The following MAD1L1 variants were observed in gnomAD, a reference collection of about 807,000 sequenced individuals.
The protein encoded by MAD1L1 is mitotic arrest deficient 1 like 1, also known as mitotic spindle assembly checkpoint protein MAD1.
MAD1L1 carries 95 observed loss-of-function variants against 96.9 expected under a neutral mutation model. The observed-to-expected ratio is 0.98, with a 90% CI of 0.83 to 1.16. The LOEUF (loss-of-function observed/expected upper bound fraction) is 1.16. Ranked by LOEUF, MAD1L1 falls within the 50% of genes most tolerant of loss-of-function variation. The probability of loss-of-function intolerance (pLI) is 0.00; values close to 1 mark genes in which losing one functional copy is unlikely to be tolerated. For synonymous variants in MAD1L1, 473 were observed against 396.6 expected, an observed-to-expected ratio of 1.19 and a Z score of -2.29; for missense variants, 1,007 against 954.4, an observed-to-expected ratio of 1.06 and a Z score of -0.73.
At chr7:1,958,451 G>A (rs927764525) in intron 15 of MAD1L1, among the ~76,000 whole-genome samples, 1 of 152,138 alleles carries the variant, frequency 6.6e-6, no homozygotes, top group Admixed American at 6.5e-5. Flanking sequence ...AAGATTACTC[G>A]ACACCGCACA....
At chr7:2,229,863 G>A (rs1794103721) in intron 3 of MAD1L1, 121 bp downstream of exon 3, 10 of 1,093,780 alleles carry the variant, frequency 9.1e-6, no homozygotes, top group East Asian at 4.9e-5. Context: ...CCTGGGAGAC[G>A]AATAGCTGTC....
At chr7:2,138,580 A>G (rs975585552) in intron 11 of MAD1L1, among the ~76,000 whole-genome samples, 2 of 152,200 alleles carry the variant, frequency 1.3e-5, no homozygotes, top group Non-Finnish European at 2.9e-5. Flanking sequence ...AGTCAGCCGG[A>G]GGGGAAGCAG....
chr7:1,979,275 G>A (rs1430693401), intron 15 of MAD1L1, among the ~76,000 whole-genome samples: 1 of 152,160 alleles, frequency 6.6e-6, no homozygotes, highest in Non-Finnish European at 1.5e-5. Context: ...ATGTCCCCTG[G>A]AGCTGTCTCA....
At chr7:1,863,281 G>T (rs147228851) in intron 18 of MAD1L1, among the ~76,000 whole-genome samples, 3,005 of 152,386 alleles carry the variant, frequency 0.02, 41 homozygotes, top group Admixed American at 0.037. Context: ...GGGCAGGGAG[G>T]AAGGCCTGGG....
rs1789334306 is a variant in MAD1L1, at chr7:2,146,874, G to A, written c.1073+2278C>T. Among the ~76,000 whole-genome samples the A allele has an allele frequency of 6.6e-6, 1 of 152,206 alleles. No individual in the cohort carries two copies. Among genetic ancestry groups the A allele is most frequent in the African/African-American group, 2.4e-5 (1 of 41,452 alleles). On this transcript the variant is annotated intron_variant, in intron 11 of 18. Transcript: ENST00000265854. This position sits in a 1 kb window ranked among gnomAD's most constrained non-coding sequence, Gnocchi z 6.2. Reference sequence around the variant, plus strand: ...CACGGCAGGCCGCGACGAACACGGTGTCCCGCCACGGAAGAGAGCAGCAGC... The same window carrying A: ...CACGGCAGGCCGCGACGAACACGGTATCCCGCCACGGAAGAGAGCAGCAGC...
intron 16 of MAD1L1, among the ~76,000 whole-genome samples, chr7:1,948,645 C>T (rs1779343597): frequency 6.6e-6 from 1 of 152,236 alleles, no homozygotes; most frequent in South Asian, 2.1e-4. Flanking sequence ...CCTCCCATGA[C>T]ACCCCTGATA....
intron 18 of MAD1L1, among the ~76,000 whole-genome samples, chr7:1,852,115 A>G (rs1277234855): frequency 6.6e-6 from 1 of 152,214 alleles, no homozygotes; most frequent in African/African-American, 2.4e-5. Context: ...GGCAGGACCC[A>G]GACTTGGGGC....
intron 17 of MAD1L1, among the ~76,000 whole-genome samples, chr7:1,901,925 C>T (rs1376355303): frequency 6.6e-6 from 1 of 152,208 alleles, no homozygotes; most frequent in East Asian, 1.9e-4. Flanking sequence ...TTGGGCAGAA[C>T]CGGCCCTCTT....
chr7:1,968,468 C>A lies in MAD1L1; in HGVS notation c.1506-10749G>T, dbSNP rs573888263. Among the ~76,000 whole-genome samples, 49 of 151,406 alleles carry A rather than the reference C, an allele frequency of 3.2e-4. No homozygotes were observed. The South Asian group carries it at 4.6e-3, about 14-fold the overall frequency. On this transcript the variant is annotated intron_variant, in intron 15 of 18. Transcript: ENST00000265854. This position sits in a 1 kb window ranked among gnomAD's most constrained non-coding sequence, Gnocchi z 5.6. Reference sequence around the variant, plus strand: ...CCAGCAGTCATGTCCACCATCAATGCCTCAGTCCAGCGGTCAGGTCCACTG... The same window carrying A: ...CCAGCAGTCATGTCCACCATCAATGACTCAGTCCAGCGGTCAGGTCCACTG...
intron 11 of MAD1L1, among the ~76,000 whole-genome samples, chr7:2,138,189 T>C (rs1396951559): frequency 6.6e-6 from 1 of 151,524 alleles, no homozygotes; most frequent in Non-Finnish European, 1.5e-5. Flanking sequence ...AAATGCCAGC[T>C]TTTTTTTAAC....
chr7:1,944,017 T>C (rs934093707), intron 16 of MAD1L1, among the ~76,000 whole-genome samples: 1 of 152,062 alleles, frequency 6.6e-6, no homozygotes, highest in Non-Finnish European at 1.5e-5. Context: ...TGGGTGAACC[T>C]TGAACAAGGG....
chr7:1,874,476 C>T (rs757015455), intron 18 of MAD1L1: 5 of 452,520 alleles, frequency 1.1e-5, no homozygotes, highest in South Asian at 7.8e-5. Context: ...GGAGAGGAGG[C>T]GGAGGGCTGA....
intron 17 of MAD1L1, among the ~76,000 whole-genome samples, chr7:1,902,571 G>T (rs1787311456): frequency 6.6e-6 from 1 of 152,250 alleles, no homozygotes; most frequent in South Asian, 2.1e-4. Context: ...CGGATCTTAG[G>T]AGTGCAGCCC....
intron 11 of MAD1L1, among the ~76,000 whole-genome samples, chr7:2,113,224 T>C (rs1009570659): frequency 6.6e-6 from 1 of 152,304 alleles, no homozygotes; most frequent in African/African-American, 2.4e-5. Context: ...CCTGGGGCCA[T>C]GGTGACAAGC....
chr7:1,994,212 C>T (rs1326733795), intron 14 of MAD1L1, among the ~76,000 whole-genome samples: 1 of 152,176 alleles, frequency 6.6e-6, no homozygotes, highest in Non-Finnish European at 1.5e-5. Context: ...TGGCTTTGCA[C>T]GTGCCACCGC....
intron 11 of MAD1L1, among the ~76,000 whole-genome samples, chr7:2,143,451 C>T (rs1789142568): frequency 6.6e-6 from 1 of 151,620 alleles, no homozygotes; most frequent in Non-Finnish European, 1.5e-5. Context: ...AGGAAAGACT[C>T]ATAACTAGTA....
intron 11 of MAD1L1, among the ~76,000 whole-genome samples, chr7:2,145,680 C>A (rs1013524781): frequency 6.6e-6 from 1 of 152,166 alleles, no homozygotes; most frequent in Non-Finnish European, 1.5e-5. Context: ...CTGTTTCCTG[C>A]ACCAGGTTGC....
At chr7:2,226,317 GC>G (rs1793893042) in intron 3 of MAD1L1, among the ~76,000 whole-genome samples, 1 of 152,198 alleles carries the variant, frequency 6.6e-6, no homozygotes, top group Non-Finnish European at 1.5e-5. Flanking sequence ...TGCACAAGGA[GC>G]CTGGAATCTG....
chr7:1,873,232 C>T (rs934325204), intron 18 of MAD1L1, among the ~76,000 whole-genome samples: 7 of 152,228 alleles, frequency 4.6e-5, no homozygotes, highest in Middle Eastern at 3.2e-3. Flanking sequence ...GGCTCACAGG[C>T]CCCATCCCCG....
Sources: allele counts gnomAD v4.1 joint callset (sites outside exome capture counted in the v4.1 genomes callset), GRCh38; gene constraint gnomAD v4.1.1; non-coding constraint Gnocchi (gnomAD v3.1); transcripts MANE v1.5; gene names NCBI Gene and HGNC (gene_info 2026-07-23, HGNC 2026-07-21).